The following SETD7 variants were observed in gnomAD, a reference collection of about 807,000 sequenced individuals.
The protein encoded by SETD7 is SET domain containing 7, histone lysine methyltransferase, also known as histone-lysine N-methyltransferase SETD7.
In SETD7, 16 loss-of-function variants were observed where a neutral mutation model predicts 41.8. The ratio of observed to expected loss-of-function variants is 0.38; its 90% CI spans 0.26 to 0.58. The LOEUF is 0.58. Ranked by LOEUF, SETD7 falls within the 20% of genes least tolerant of loss-of-function variation. The pLI, the probability that SETD7 is intolerant of heterozygous loss-of-function variation, is 0.64. For synonymous variants in SETD7, 163 were observed against 169.7 expected (o/e 0.96, Z 0.31); for missense variants, 346 against 459.7 (o/e 0.75, Z 2.26).
In SETD7 at chr4:139,511,653, G is replaced by A. The variant is rs1290008564; in HGVS notation, c.*10C>T. The stretch of plus-strand genomic sequence containing the variant: ...CTATTCCAGGTCTCTGAACCCCAAA[G>A]CCAGGCCTTTCACTTTTGCTGGGTG... On this transcript the variant is annotated 3_prime_UTR_variant, in exon 8 of 8. Coordinates refer to ENST00000274031, the MANE Select transcript of SETD7 (RefSeq NM_030648.4). 4 of 1,613,650 alleles carry A rather than the reference G, an allele frequency of 2.5e-6. No individual in the cohort carries two copies. The East Asian group carries it at 6.7e-5, about 27-fold the overall frequency.
rs147569120 is a variant in SETD7, at chr4:139,532,008, C to T, written c.372+1157G>A. Among the ~76,000 whole-genome samples the T allele has an allele frequency of 4.7e-4, 71 of 152,174 alleles. No homozygotes were observed. The Middle Eastern group carries it at 0.02, about 44-fold the overall frequency. The stretch of plus-strand genomic sequence containing the variant: ...ACTTGGGAGGCTGAGGCAGAAGAAT[C>T]ACTTGAACCCACGAGGCAGAGGTTG... On this transcript the variant is annotated intron_variant, in intron 3 of 7. Transcript: ENST00000274031.
chr4:139,493,715 T>G (rs1331687908), downstream of SETD7, among the ~76,000 whole-genome samples: 4 of 152,026 alleles, frequency 2.6e-5, no homozygotes, highest in African/African-American at 9.7e-5. Flanking sequence ...ACTTTTTGTA[T>G]TTTTTGTAGA....
intron 2 of SETD7, among the ~76,000 whole-genome samples, chr4:139,543,895 C>T (rs1727851325): frequency 6.6e-6 from 1 of 151,792 alleles, no homozygotes; most frequent in Non-Finnish European, 1.5e-5. Flanking sequence ...ACCCAGGAGG[C>T]GGAGCTTGCA....
Position 139,538,630 on chromosome 4 carries a change from T to C in SETD7, c.171-5264A>G, listed in dbSNP as rs115589059. 2.9e-3 allele frequency among the ~76,000 whole-genome samples: 440 copies of C among 152,280 alleles called. 2 individuals are homozygous for C. Among genetic ancestry groups the C allele is most frequent in the African/African-American group, 9.8e-3 (407 of 41,518 alleles). On this transcript the variant is annotated intron_variant, in intron 2 of 7. Coordinates refer to ENST00000274031, the MANE Select transcript of SETD7 (RefSeq NM_030648.4). ...GAGCCACCGCTCCTGGCCACTCTTT[T>C]CATTTCTATACCACGCATTTTCCTA... is the stretch of plus-strand genomic sequence containing the variant.
chr4:139,509,836 A>T lies in SETD7; in HGVS notation c.*1827T>A. 1.0e-6 allele frequency: 1 copy of T among 985,498 alleles called. No homozygotes were observed. The highest frequency in any genetic ancestry group is 1.2e-6 in the Non-Finnish European group (1 of 829,984). 61.0% of individuals were successfully genotyped at this position (985,498 alleles called of 1,614,324 possible). A position where few individuals can be genotyped will look rare whatever the true frequency, so the allele number is the denominator to read the frequency against. On this transcript the variant is annotated 3_prime_UTR_variant, in exon 8 of 8. Coordinates refer to ENST00000274031, the MANE Select transcript of SETD7 (RefSeq NM_030648.4). ...TCCTTTGGTGGGCAATCTTCCTGGA[A>T]GCACTGACAACTTCCTCTCATGGGT...
chr4:139,498,061 C>T (rs1726499152), intron 7 of SETD7, among the ~76,000 whole-genome samples: 1 of 152,144 alleles, frequency 6.6e-6, no homozygotes, highest in Admixed American at 6.5e-5. Flanking sequence ...CAGTGGTGAC[C>T]GTTATTTGCA....
chr4:139,503,081 G>A (rs1459284157), downstream of SETD7, among the ~76,000 whole-genome samples: 1 of 151,194 alleles, frequency 6.6e-6, no homozygotes, highest in African/African-American at 2.4e-5. Flanking sequence ...GGGAGCCTGA[G>A]GCAGGAGAAT....
downstream of SETD7, among the ~76,000 whole-genome samples, chr4:139,501,163 C>T (rs1054662153): frequency 5.3e-5 from 8 of 152,210 alleles, no homozygotes; most frequent in East Asian, 1.9e-4. Flanking sequence ...GCTTCTTATC[C>T]GTTTCCCTCA....
downstream of SETD7, among the ~76,000 whole-genome samples, chr4:139,501,619 C>CAAAT (rs543196320): frequency 0.015 from 2,298 of 151,876 alleles, 52 homozygotes; most frequent in African/African-American, 0.053. Flanking sequence ...AAAAAAACCC[C>CAAAT]AAATAAATAA....
At chr4:139,515,714 G>A (rs1431306209) in intron 7 of SETD7, among the ~76,000 whole-genome samples, 2 of 152,218 alleles carry the variant, frequency 1.3e-5, no homozygotes, top group Non-Finnish European at 2.9e-5. Flanking sequence ...GGGCTGCCAA[G>A]GAGAGCAAGT....
chr4:139,532,139 G>C (rs1275112198), intron 3 of SETD7, among the ~76,000 whole-genome samples: 2 of 152,118 alleles, frequency 1.3e-5, no homozygotes, highest in African/African-American at 2.4e-5. Context: ...ACAAAATAAA[G>C]TATTAAGCAA....
rs754434053 is a variant in SETD7, at chr4:139,517,987, G to A, written c.818C>T (p.Thr273Met). The change falls in exon 7 of 8, where the codon ACG becomes ATG. Residue 273 changes from threonine to methionine, a missense_variant. Thr to Met is a moderately conservative substitution (Grantham distance 81). Coordinates refer to ENST00000274031, the MANE Select transcript of SETD7 (RefSeq NM_030648.4). ...ATAGGGCTCAGGCACATCAATGACC[G>A]TTTCTTCATCAAGGGAGAGGGTGTT... ...NGNTLSLDEE[T>M]VIDVPEPYNH... is the part of the protein sequence containing the mutation. 42 of 1,613,922 alleles carry A rather than the reference G, an allele frequency of 2.6e-5. No individual in the cohort carries two copies. The Admixed American group carries it at 3.2e-4, about 12-fold the overall frequency.
chr4:139,535,930 A>G (rs72726576), intron 2 of SETD7, among the ~76,000 whole-genome samples: 21,534 of 152,134 alleles, frequency 0.14, 1,651 homozygotes, highest in Middle Eastern at 0.2. Context: ...CGTTTCTTAG[A>G]CTGGCATTCA....
chr4:139,496,622 A>G, intron 7 of SETD7: 2 of 616,392 alleles, frequency 3.2e-6, no homozygotes, highest in Non-Finnish European at 5.8e-6. Context: ...AGACTTTTAG[A>G]AACCCAGCTG....
At chr4:139,530,802 A>C (rs985658792) in intron 3 of SETD7, among the ~76,000 whole-genome samples, 3 of 152,220 alleles carry the variant, frequency 2.0e-5, no homozygotes, top group Non-Finnish European at 4.4e-5. Context: ...ATATATTTTT[A>C]ATTAAAAACC....
At chr4:139,494,579 C>T (rs961029849), downstream of SETD7, among the ~76,000 whole-genome samples, 2 of 151,990 alleles carry the variant, frequency 1.3e-5, no homozygotes, top group Non-Finnish European at 2.9e-5. Context: ...GAGCATGTAC[C>T]CCAGGGGATA....
chr4:139,506,514 T>C lies in SETD7; in HGVS notation c.*5149A>G. On this transcript the variant is annotated 3_prime_UTR_variant, in exon 8 of 8. Transcript: ENST00000274031. ...CAGAATCATGGACATAATTTTCCTATGTGATAAGCAGGTATTACGTAGTCC... is the reference window on the plus strand; with the variant it reads ...CAGAATCATGGACATAATTTTCCTACGTGATAAGCAGGTATTACGTAGTCC... 1 of 152,720 alleles carries C rather than the reference T, an allele frequency of 6.5e-6. No individual in the cohort carries two copies. Among genetic ancestry groups the C allele is most frequent in the East Asian group, 1.9e-4 (1 of 5,186 alleles). 9.5% of individuals were successfully genotyped at this position (152,720 alleles called of 1,614,324 possible). A position where few individuals can be genotyped will look rare whatever the true frequency, so the allele number is the denominator to read the frequency against.
intron 2 of SETD7, among the ~76,000 whole-genome samples, chr4:139,534,189 G>T (rs143290893): frequency 1.3e-3 from 204 of 152,188 alleles, no homozygotes; most frequent in Middle Eastern, 6.8e-3. Flanking sequence ...ATATTTGCAA[G>T]TTCAGGAACA....
intron 2 of SETD7, among the ~76,000 whole-genome samples, chr4:139,542,720 T>C (rs187930474): frequency 1.3e-5 from 2 of 152,370 alleles, no homozygotes; most frequent in Non-Finnish European, 1.5e-5. Context: ...GCATTTGTTA[T>C]GTTTGCAATT....
Sources: gnomAD v4.1 joint callset for allele counts (sites outside exome capture counted in the v4.1 genomes callset) on GRCh38, gnomAD v4.1.1 for gene constraint, MANE v1.5 for transcripts, NCBI Gene and HGNC (gene_info 2026-07-23, HGNC 2026-07-21) for gene names.